The following C15orf40 variants were observed in gnomAD, a reference collection of about 807,000 sequenced individuals.
C15orf40 encodes UPF0235 protein C15orf40.
Under a neutral mutation model 13.9 loss-of-function variants are expected in C15orf40, and 9 were observed. The ratio of observed to expected loss-of-function variants is 0.65; its 90% CI spans 0.39 to 1.13. The LOEUF (loss-of-function observed/expected upper bound fraction) is 1.13. Among genes scored for constraint, C15orf40 ranks in the 50% most tolerant of loss-of-function variants. The probability of loss-of-function intolerance (pLI) is 0.01; values close to 1 mark genes in which losing one functional copy is unlikely to be tolerated. For synonymous variants in C15orf40, 95 were observed against 69.2 expected (o/e 1.37, Z -1.85); for missense variants, 225 against 188.5 (o/e 1.19, Z -1.13).
In C15orf40 at chr15:83,002,916, A is replaced by G. The variant is rs1384239898; in HGVS notation, c.*2681T>C. On this transcript the variant is annotated 3_prime_UTR_variant, in exon 4 of 4. Transcript: ENST00000304177. Reference sequence around the variant, plus strand: ...CCTCCAGGGTCCCGGTTCACAAGCAATTCTCCTGCCTCAGCCTCCCGAGTA... The same window carrying G: ...CCTCCAGGGTCCCGGTTCACAAGCAGTTCTCCTGCCTCAGCCTCCCGAGTA... 1 of 152,298 alleles carries G rather than the reference A, an allele frequency of 6.6e-6. No individual in the cohort carries two copies. 9.4% of individuals were successfully genotyped at this position (152,298 alleles called of 1,614,324 possible).
In C15orf40 at chr15:83,005,062, A is replaced by C. The variant is rs2031601832; in HGVS notation, c.*535T>G. The stretch of plus-strand genomic sequence containing the variant: ...ATTCTTCCCAGCTCTGTTATTTTAC[A>C]ACGCCATGAAATCAGAGTAACATGT... On this transcript the variant is annotated 3_prime_UTR_variant, in exon 4 of 4. Coordinates refer to ENST00000304177, the MANE Select transcript of C15orf40 (RefSeq NM_144597.3). 1.7e-6 allele frequency: 2 copies of C among 1,195,480 alleles called. No individual in the cohort carries two copies. Among genetic ancestry groups the C allele is most frequent in the Non-Finnish European group, 2.2e-6 (2 of 929,970 alleles). 74.1% of individuals were successfully genotyped at this position (1,195,480 alleles called of 1,614,324 possible). A position where few individuals can be genotyped will look rare whatever the true frequency, so the allele number is the denominator to read the frequency against.
In C15orf40 at chr15:83,011,533, G is replaced by A. The variant is rs1355989606; in HGVS notation, c.75C>T (p.Cys25=). 2 of 1,607,138 alleles carry A rather than the reference G, an allele frequency of 1.2e-6. No homozygotes were observed. Among genetic ancestry groups the A allele is most frequent in the East Asian group, 2.2e-5 (1 of 44,608 alleles). Residue 25 remains cysteine, a synonymous_variant, in exon 1 of 4, where the codon TGC becomes TGT. Coordinates refer to ENST00000304177, the MANE Select transcript of C15orf40 (RefSeq NM_144597.3). ...PNTRGSARLL[C]AEMPKKAGAT... ...CACCAGCCTTCTTAGGCATCTCGGC[G>A]CAAAGAAGCCGAGCGGAGCCCCGAG...
Position 83,002,308 on chromosome 15 carries a change from ACGTTTAAAATATCAC to A in C15orf40, c.*3274_*3288del, listed in dbSNP as rs1470710318. On this transcript the variant is annotated 3_prime_UTR_variant, in exon 4 of 4. Transcript: ENST00000304177. ...AAAACTCACTAGGCAAAATGTTCCCACGTTTAAAATATCACCGTTTAAAATGAAGTAAATAGGTTA... is the reference window on the plus strand; with the variant it reads ...AAAACTCACTAGGCAAAATGTTCCCACGTTTAAAATGAAGTAAATAGGTTA... 1 of 152,220 alleles carries A rather than the reference ACGTTTAAAATATCAC, an allele frequency of 6.6e-6. No individual in the cohort carries two copies. The highest frequency in any genetic ancestry group is 1.5e-5 in the Non-Finnish European group (1 of 68,038). 9.4% of individuals were successfully genotyped at this position (152,220 alleles called of 1,614,324 possible). A position where few individuals can be genotyped will look rare whatever the true frequency, so the allele number is the denominator to read the frequency against.
chr15:82,991,887 C>T (rs1217115182), downstream of C15orf40: 9 of 1,288,512 alleles, frequency 7.0e-6, no homozygotes, highest in Non-Finnish European at 9.1e-6. Context: ...CCTGACTACA[C>T]CCCAGAATCT....
chr15:82,989,826 A>AT, downstream of C15orf40: 1 of 1,594,624 alleles, frequency 6.3e-7, no homozygotes, highest in African/African-American at 1.3e-5. Context: ...TGGGTTTGTC[A>AT]TATGTTTTTT....
chr15:82,993,320 G>T (rs2030934184), downstream of C15orf40, among the ~76,000 whole-genome samples: 1 of 152,228 alleles, frequency 6.6e-6, no homozygotes, highest in Non-Finnish European at 1.5e-5. Flanking sequence ...TTGGTAAATT[G>T]TAAAGCGTAG....
Position 83,005,597 on chromosome 15 carries a change from TTA to T in C15orf40, c.460_461del (p.Ter154LysfsTer14), listed in dbSNP as rs1479885710. On this transcript the variant is annotated frameshift_variant and stop_lost, in exon 4 of 4. Transcript: ENST00000304177. LOFTEE classifies it high-confidence loss of function. ...EKLKKEAKKT[*>X] ...CTGCGCCCGGCCTCATTTCTTGCTT[TTA>T]TGTTTTTTTGGCTTCCTTTTTTAAT... The T allele has an allele frequency of 7.5e-6, 12 of 1,608,330 alleles. No homozygotes were observed. The highest frequency in any genetic ancestry group is 8.5e-6 in the Non-Finnish European group (10 of 1,177,444).
chr15:82,993,521 A>C (rs2030940429), downstream of C15orf40, among the ~76,000 whole-genome samples: 1 of 152,142 alleles, frequency 6.6e-6, no homozygotes, highest in Non-Finnish European at 1.5e-5. Context: ...AGCTAAAATT[A>C]GTAGCATTTG....
chr15:83,009,880 T>C (rs2031897518), intron 2 of C15orf40, among the ~76,000 whole-genome samples: 1 of 152,232 alleles, frequency 6.6e-6, no homozygotes, highest in African/African-American at 2.4e-5. Flanking sequence ...AGGCCAGTGA[T>C]CATTAAACTA....
chr15:83,005,905 C>T (rs2031653730), intron 3 of C15orf40, among the ~76,000 whole-genome samples: 1 of 152,072 alleles, frequency 6.6e-6, no homozygotes, highest in Non-Finnish European at 1.5e-5. Flanking sequence ...TACCTTCATA[C>T]ATCAATTTCT....
rs1596407272 is a variant in C15orf40 at position 83,004,992 on chromosome 15, G to A, written c.*605C>T. 1 of 1,274,852 alleles carries A rather than the reference G, an allele frequency of 7.8e-7. No individual in the cohort carries two copies. Among genetic ancestry groups the A allele is most frequent in the African/African-American group, 1.5e-5 (1 of 65,138 alleles). 79.0% of individuals were successfully genotyped at this position (1,274,852 alleles called of 1,614,324 possible). On this transcript the variant is annotated 3_prime_UTR_variant, in exon 4 of 4. Transcript: ENST00000304177. ...CAACTTCTGGATATAGGAAATCAAA[G>A]GCCCCCCAACAGAATGAAAGGTGTT...
chr15:82,990,009 A>C, downstream of C15orf40: 3 of 1,583,000 alleles, frequency 1.9e-6, no homozygotes, highest in Non-Finnish European at 1.7e-6. Context: ...GAACCTTACT[A>C]TCCCCAGCAA....
Position 82,999,459 on chromosome 15 carries a change from G to C in C15orf40, c.*6138C>G, listed in dbSNP as rs141790497. ...TATCCTCCTACCTCAGCTTCCCAAA[G>C]TGCTGGGATTACAAGCGTGAGCCAA... On this transcript the variant is annotated 3_prime_UTR_variant, in exon 4 of 4. Transcript: ENST00000304177. The C allele has an allele frequency of 3.3e-3, 501 of 152,270 alleles. 1 individual carries two copies. Among genetic ancestry groups the C allele is most frequent in the Non-Finnish European group, 5.2e-3 (354 of 68,036 alleles). 9.4% of individuals were successfully genotyped at this position (152,270 alleles called of 1,614,324 possible).
intron 3 of C15orf40, chr15:83,006,557 C>T (rs908677495): frequency 4.9e-5 from 36 of 739,452 alleles, no homozygotes; most frequent in African/African-American, 1.3e-4. Flanking sequence ...GTCAGGAGTT[C>T]GAGACCAGCC....
In C15orf40 at chr15:83,004,551, CTTCTT is replaced by C. The variant is rs568221390; in HGVS notation, c.*1041_*1045del. The C allele has an allele frequency of 4.5e-5, 38 of 851,536 alleles. No homozygotes were observed. The South Asian group carries it at 1.9e-3, about 42-fold the overall frequency. 52.7% of individuals were successfully genotyped at this position (851,536 alleles called of 1,614,324 possible). ...TGAAAATAGCTTCCAAGTCCTCTTT[CTTCTT>C]TTAAGGATCTTTGGAGATTCATAAA... On this transcript the variant is annotated 3_prime_UTR_variant, in exon 4 of 4. Transcript: ENST00000304177.
chr15:83,006,359 T>C (rs2031679893), intron 3 of C15orf40: 4 of 965,772 alleles, frequency 4.1e-6, no homozygotes, highest in African/African-American at 1.8e-5. Context: ...TAATTATAAA[T>C]ATAAACAAAT....
Position 83,005,483 on chromosome 15 carries a change from C to T in C15orf40, c.*114G>A. 1.1e-6 allele frequency: 1 copy of T among 932,914 alleles called. No individual in the cohort carries two copies. The highest frequency in any genetic ancestry group is 1.5e-6 in the Non-Finnish European group (1 of 665,130). 57.8% of individuals were successfully genotyped at this position (932,914 alleles called of 1,614,324 possible). On this transcript the variant is annotated 3_prime_UTR_variant, in exon 4 of 4. Transcript: ENST00000304177. The stretch of plus-strand genomic sequence containing the variant: ...ATTTTTCGTAGAGATGGGGTTTCAC[C>T]ATGTTGGTCAGGCTGGTCTCGAACT...
At chr15:82,990,957 TC>T (rs748250172), downstream of C15orf40, 15 of 256,434 alleles carry the variant, frequency 5.8e-5, no homozygotes, top group Non-Finnish European at 1.1e-4. Flanking sequence ...GCTATAAACT[TC>T]CTTTCACAGA....
At position 83,011,611 on chromosome 15, in the gene C15orf40, CG is replaced by C. The variant is rs752655906; in HGVS notation, c.-5del. On this transcript the variant is annotated 5_prime_UTR_variant, in exon 1 of 4. Transcript: ENST00000304177. ...GCCCGCTGCGGAGCCGCAGCATCCCCGCCTGGGAAGGCGCCGGAAGAGCCCT... is the reference window on the plus strand; with the variant it reads ...GCCCGCTGCGGAGCCGCAGCATCCCCCCTGGGAAGGCGCCGGAAGAGCCCT... 6.4e-7 allele frequency: 1 copy of C among 1,572,952 alleles called. No individual in the cohort carries two copies. The highest frequency in any genetic ancestry group is 8.6e-7 in the Non-Finnish European group (1 of 1,163,640).
Sources: gnomAD v4.1 joint callset for allele counts (sites outside exome capture counted in the v4.1 genomes callset) on GRCh38, gnomAD v4.1.1 for gene constraint, MANE v1.5 for transcripts, NCBI Gene and HGNC (gene_info 2026-07-23, HGNC 2026-07-21) for gene names.